Variants in NDUFAF6 observed in about 807,000 individuals in gnomAD.
NDUFAF6 encodes the protein NADH:ubiquinone oxidoreductase complex assembly factor 6, also known as NADH dehydrogenase (ubiquinone) complex I, assembly factor 6.
A neutral mutation model predicts 40.8 loss-of-function variants in NDUFAF6; 45 were observed. The observed-to-expected ratio is 1.10, with a 90% CI of 0.87 to 1.42. NDUFAF6 has a LOEUF of 1.42. NDUFAF6 is among the 40% of genes most tolerant of loss of function. The probability of loss-of-function intolerance (pLI) is 0.00; values close to 1 mark genes in which losing one functional copy is unlikely to be tolerated. For synonymous variants in NDUFAF6, 185 were observed against 155.9 expected (o/e 1.19, Z -1.39); for missense variants, 435 against 418.5 (o/e 1.04, Z -0.34).
chr8:94,967,266 A>G (rs572256362), intron 1 of NDUFAF6, among the ~76,000 whole-genome samples: 12 of 152,324 alleles, frequency 7.9e-5, no homozygotes, highest in African/African-American at 2.9e-4. Flanking sequence ...TTGCAACTTC[A>G]CTGTTTTCTT....
At chr8:94,902,106 C>CTA (rs1301900672) in intron 1 of NDUFAF6, among the ~76,000 whole-genome samples, 1 of 151,862 alleles carries the variant, frequency 6.6e-6, no homozygotes, top group African/African-American at 2.4e-5. Context: ...TTTAGCATGC[C>CTA]TAGCATTAAC....
intron 1 of NDUFAF6, among the ~76,000 whole-genome samples, chr8:94,968,236 G>A (rs565568910): frequency 2.6e-5 from 4 of 152,290 alleles, no homozygotes; most frequent in Admixed American, 6.5e-5. Flanking sequence ...TCCAGGCCAC[G>A]CTGAAGGGGA....
chr8:94,905,525 C>A (rs1177838049), intron 1 of NDUFAF6, among the ~76,000 whole-genome samples: 1 of 152,136 alleles, frequency 6.6e-6, no homozygotes, highest in African/African-American at 2.4e-5. Flanking sequence ...ATCCTAACCT[C>A]ACTTGGGTGG....
In NDUFAF6 at chr8:95,025,051, C is replaced by G; in HGVS notation, c.43C>G (p.Leu15Val). 7.0e-7 allele frequency: 1 copy of G among 1,422,056 alleles called. No individual in the cohort carries two copies. The highest frequency in any genetic ancestry group is 9.1e-7 in the Non-Finnish European group (1 of 1,100,552). The allele number at this position is 1,422,056 out of a possible 1,614,324, so 88.1% of individuals were successfully genotyped here. ...CGGCTCTGTCTGGGGGCCGTTGCGG[C>G]TTGGCATCCCCGGCCTGTGCTGCCG... The part of the protein sequence containing the change: ...AHGSVWGPLR[L>V]GIPGLCCRRP... Residue 15 changes from leucine (L) to valine (V), a missense_variant, in exon 1 of 9, where the codon CTT becomes GTT. Transcript: ENST00000396124.
chr8:95,032,694 T>C (rs760856789), intron 2 of NDUFAF6, among the ~76,000 whole-genome samples: 1 of 152,148 alleles, frequency 6.6e-6, no homozygotes, highest in Non-Finnish European at 1.5e-5. Context: ...CAGTAATAAA[T>C]TGAGAGGTCA....
At chr8:95,096,404 C>G (rs1267515792), upstream of NDUFAF6, among the ~76,000 whole-genome samples, 1 of 152,184 alleles carries the variant, frequency 6.6e-6, no homozygotes, top group Non-Finnish European at 1.5e-5. Context: ...CAGGACTCCA[C>G]AAGTCCAGAT....
chr8:95,045,485 CCTTTT>C (rs1479715006), intron 4 of NDUFAF6, 55 bp from the exon 5 acceptor site: 1 of 1,251,874 alleles, frequency 8.0e-7, no homozygotes, highest in African/African-American at 1.5e-5. Context: ...AAAAACAGCA[CCTTTT>C]CTTTCTAAAA....
intron 2 of NDUFAF6, among the ~76,000 whole-genome samples, chr8:95,015,206 G>C (rs1351224682): frequency 1.3e-5 from 2 of 152,176 alleles, no homozygotes; most frequent in Non-Finnish European, 2.9e-5. Flanking sequence ...TCCTGGAGTT[G>C]TGCAGTGTAC....
chr8:95,099,031 A>G (rs1362869535), upstream of NDUFAF6, among the ~76,000 whole-genome samples: 2 of 152,158 alleles, frequency 1.3e-5, no homozygotes, highest in African/African-American at 4.8e-5. Flanking sequence ...ACCTGAGGTC[A>G]GGAGTTTGAG....
chr8:94,926,177 A>G (rs1819874105), intron 1 of NDUFAF6: 1 of 152,760 alleles, frequency 6.5e-6, no homozygotes, highest in East Asian at 1.9e-4. Context: ...AAATTTCTAT[A>G]AAAACAAAAT....
chr8:94,909,144 G>A (rs534993124), intron 1 of NDUFAF6, among the ~76,000 whole-genome samples: 4 of 151,740 alleles, frequency 2.6e-5, no homozygotes, highest in Admixed American at 1.3e-4. Context: ...TCAGGAGTTC[G>A]AGACCAGCCT....
intron 9 of NDUFAF6, among the ~76,000 whole-genome samples, chr8:95,064,544 TGTGTGTGTGTGTGTGTGTGCGCGCGTGC>T (rs1832654284): frequency 6.8e-6 from 1 of 148,042 alleles, no homozygotes; most frequent in South Asian, 2.1e-4. Context: ...TTTATTCGTG[TGTGTGTGTGTGTGTGTGTGCGCGCGTGC>T]GTGTGCATGA....
At position 95,038,032 on chromosome 8, in the gene NDUFAF6, C is replaced by T. The variant is rs188081923; in HGVS notation, c.420+2456C>T. On this transcript the variant is annotated intron_variant, in intron 3 of 8. Coordinates refer to ENST00000396124, the MANE Select transcript of NDUFAF6 (RefSeq NM_152416.4). ...CTGAGTAGCTGGGACCACAGGCATG[C>T]GCCACCACACCTGGCTAATTAAAAA... 1.5e-4 allele frequency among the ~76,000 whole-genome samples: 23 copies of T among 152,142 alleles called. No homozygotes were observed. In the East Asian group the frequency reaches 3.3e-3, roughly 22 times the overall value.
Position 95,057,817 on chromosome 8 carries a change from A to G in NDUFAF6, c.882A>G (p.Leu294=). 1.2e-6 allele frequency: 2 copies of G among 1,611,306 alleles called. No individual in the cohort carries two copies. Among genetic ancestry groups the G allele is most frequent in the Non-Finnish European group, 1.7e-6 (2 of 1,178,472 alleles). ...TATTCTCTTTTTTCCAGGTTTCTCT[A>G]GAGGACTTTCTAAAGAAAATTCAGC... The part of the protein sequence containing the change: ...AFPAFLQTVS[L]EDFLKKIQRV... The change falls in exon 9 of 9, where the codon CTA becomes CTG. Residue 294 remains leucine (L), a synonymous_variant. Coordinates refer to ENST00000396124, the MANE Select transcript of NDUFAF6 (RefSeq NM_152416.4).
rs958504224 is a variant in NDUFAF6 at position 95,045,462 on chromosome 8, G to C, written c.478-83G>C. ...ACTGAATATTTTTATTCGTTATTCA[G>C]TTCTTTGGGGCAAAAAACAGCACCT... On this transcript the variant is annotated intron_variant, in intron 4 of 8. Coordinates refer to ENST00000396124, the MANE Select transcript of NDUFAF6 (RefSeq NM_152416.4). The C allele has an allele frequency of 7.7e-6, 7 of 914,236 alleles. No homozygotes were observed. The African/African-American group carries it at 9.8e-5, about 13-fold the overall frequency. The allele number at this position is 914,236 out of a possible 1,614,324, so 56.6% of individuals were successfully genotyped here.
At chr8:94,945,265 G>A (rs565606356) in intron 1 of NDUFAF6, among the ~76,000 whole-genome samples, 1 of 152,234 alleles carries the variant, frequency 6.6e-6, no homozygotes, top group South Asian at 2.1e-4. Flanking sequence ...ATTGAGATGT[G>A]CTGTATATGT....
At chr8:95,116,832 T>A (rs1261145732), downstream of NDUFAF6, among the ~76,000 whole-genome samples, 1 of 152,224 alleles carries the variant, frequency 6.6e-6, no homozygotes, top group Non-Finnish European at 1.5e-5. Context: ...ATTCATGGTC[T>A]CACCTAAAAA....
chr8:94,936,388 G>T (rs902387555), intron 1 of NDUFAF6, among the ~76,000 whole-genome samples: 3 of 152,218 alleles, frequency 2.0e-5, no homozygotes, highest in Admixed American at 2.0e-4. Flanking sequence ...TGTGTGAGGA[G>T]CTGGATTCCA....
chr8:94,909,014 T>A (rs928991872), intron 1 of NDUFAF6, among the ~76,000 whole-genome samples: 1 of 152,152 alleles, frequency 6.6e-6, no homozygotes, highest in South Asian at 2.1e-4. Flanking sequence ...ATTGGAAAGT[T>A]TATATATGTA....
Sources: allele counts gnomAD v4.1 joint callset (sites outside exome capture counted in the v4.1 genomes callset), GRCh38; gene constraint gnomAD v4.1.1; transcripts MANE v1.5; gene names NCBI Gene and HGNC (gene_info 2026-07-23, HGNC 2026-07-21).